SLC47A2: variants seen among roughly 807,000 people sequenced by gnomAD.
SLC47A2 encodes the protein multidrug and toxin extrusion protein 2.
A neutral mutation model predicts 67.7 loss-of-function variants in SLC47A2; 52 were observed. That is an observed-to-expected ratio of 0.77 (90% CI 0.61 to 0.97). The LOEUF (loss-of-function observed/expected upper bound fraction) is 0.97. Among genes scored for constraint, SLC47A2 ranks in the 50% least tolerant of loss-of-function variants. SLC47A2 has a pLI of 0.00. For synonymous variants in SLC47A2, 278 were observed against 292.9 expected, an observed-to-expected ratio of 0.95 and a Z score of 0.52; for missense variants, 676 against 712.3, an observed-to-expected ratio of 0.95 and a Z score of 0.58.
upstream of SLC47A2, chr17:19,718,463 G>C (rs2086307167): frequency 6.6e-6 from 1 of 152,368 alleles, no homozygotes; most frequent in South Asian, 2.1e-4. Context: ...GGTGACATCA[G>C]GCTTTATCCA....
intron 16 of SLC47A2, 54 bp downstream of exon 16, chr17:19,679,898 A>G: frequency 3.2e-6 from 5 of 1,553,066 alleles, no homozygotes; most frequent in Non-Finnish European, 3.5e-6. Context: ...CAAGAGCAAC[A>G]TGCCACTGAC....
At chr17:19,682,590 AG>A (rs959529206) in intron 13 of SLC47A2, among the ~76,000 whole-genome samples, 1 of 152,136 alleles carries the variant, frequency 6.6e-6, no homozygotes, top group African/African-American at 2.4e-5. Context: ...CCCTCTTCTA[AG>A]GACCCTTGTA....
At chr17:19,718,676 C>G (rs1220475778), upstream of SLC47A2, 1 of 152,250 alleles carries the variant, frequency 6.6e-6, no homozygotes, top group Non-Finnish European at 1.5e-5. Context: ...TCCCCAGACC[C>G]CAGTGGGTTT....
intron 5 of SLC47A2, among the ~76,000 whole-genome samples, chr17:19,711,000 G>T (rs1458633938): frequency 1.3e-5 from 2 of 150,204 alleles, no homozygotes; most frequent in Admixed American, 6.6e-5. Flanking sequence ...GTAGAGAAAG[G>T]GTTTCTCCAT....
intron 13 of SLC47A2, among the ~76,000 whole-genome samples, chr17:19,692,927 T>C (rs1290152658): frequency 6.6e-6 from 1 of 151,886 alleles, no homozygotes; most frequent in African/African-American, 2.4e-5. Context: ...GGTCAGGAGA[T>C]CAAGACCATC....
At chr17:19,706,819 C>T (rs2085952578) in intron 8 of SLC47A2, 58 bp from the exon 9 acceptor site, 4 of 1,364,298 alleles carry the variant, frequency 2.9e-6, no homozygotes, top group South Asian at 2.5e-5. Flanking sequence ...CTCATTCCTG[C>T]TCCCCACTGC....
intron 13 of SLC47A2, among the ~76,000 whole-genome samples, chr17:19,694,919 A>G (rs956783584): frequency 2.7e-4 from 41 of 151,546 alleles, no homozygotes; most frequent in African/African-American, 9.4e-4. Context: ...CCATCTCAAA[A>G]AAAAAAAAAA....
intron 11 of SLC47A2, 122 bp from the exon 12 acceptor site, chr17:19,703,289 C>T: frequency 1.2e-6 from 1 of 830,252 alleles, no homozygotes; most frequent in Non-Finnish European, 2.0e-6. Context: ...AACCAGGTGC[C>T]TTTTGTCACA....
intron 5 of SLC47A2, among the ~76,000 whole-genome samples, chr17:19,712,008 C>T (rs59104687): frequency 2.0e-5 from 3 of 152,108 alleles, no homozygotes; most frequent in Non-Finnish European, 2.9e-5. Context: ...AGGGAAAAAG[C>T]GTATTATAAC....
intron 5 of SLC47A2, among the ~76,000 whole-genome samples, chr17:19,711,544 G>A (rs1028808751): frequency 8.6e-5 from 10 of 116,742 alleles, no homozygotes; most frequent in Middle Eastern, 0.011. Context: ...AGCGGAGATC[G>A]TACCACTGCA....
At chr17:19,716,631 C>T, upstream of SLC47A2, 1 of 1,476,718 alleles carries the variant, frequency 6.8e-7, no homozygotes, top group Non-Finnish European at 9.0e-7. Context: ...CCACCCCCTG[C>T]CTGGGCAGCC....
chr17:19,716,688 T>TA, upstream of SLC47A2: 1 of 1,324,924 alleles, frequency 7.5e-7, no homozygotes, highest in Middle Eastern at 2.7e-4. Context: ...GAGGAGGGGC[T>TA]ACCATGGCAA....
At chr17:19,715,421 G>A (rs2086227789) in intron 1 of SLC47A2, among the ~76,000 whole-genome samples, 2 of 152,032 alleles carry the variant, frequency 1.3e-5, no homozygotes, top group African/African-American at 4.8e-5. Context: ...TGGCCTCCAC[G>A]TCCCTACCCA....
intron 8 of SLC47A2, 142 bp from the exon 9 acceptor site, chr17:19,706,903 A>C (rs1014905094): frequency 8.1e-6 from 5 of 614,040 alleles, no homozygotes; most frequent in Middle Eastern, 3.6e-4. Context: ...CATTTTGCAG[A>C]GGGAATGCAG....
chr17:19,716,643 G>A (rs913982502), upstream of SLC47A2: 99 of 1,462,144 alleles, frequency 6.8e-5, no homozygotes, highest in Non-Finnish European at 7.9e-5. Context: ...TGGGCAGCCC[G>A]TGTCGGTACA....
intron 13 of SLC47A2, among the ~76,000 whole-genome samples, chr17:19,701,390 A>G (rs2085783357): frequency 6.6e-6 from 1 of 152,130 alleles, no homozygotes; most frequent in South Asian, 2.1e-4. Flanking sequence ...AGCGAACTGG[A>G]TGGAGTACAC....
chr17:19,692,077 A>C (rs2085553656), intron 13 of SLC47A2, among the ~76,000 whole-genome samples: 1 of 152,132 alleles, frequency 6.6e-6, no homozygotes, highest in Non-Finnish European at 1.5e-5. Context: ...CAGATATAAA[A>C]ATTAGCCAGA....
intron 5 of SLC47A2, among the ~76,000 whole-genome samples, chr17:19,712,076 C>T (rs944358114): frequency 1.3e-5 from 2 of 152,028 alleles, no homozygotes; most frequent in Non-Finnish European, 2.9e-5. Flanking sequence ...TTTGAATACA[C>T]ACACCCGTGA....
chr17:19,700,597 C>T (rs2085759988), intron 13 of SLC47A2, among the ~76,000 whole-genome samples: 1 of 152,034 alleles, frequency 6.6e-6, no homozygotes, highest in Non-Finnish European at 1.5e-5. Flanking sequence ...TCCATCTCTA[C>T]AAAACTTTAA....
Sources: allele counts gnomAD v4.1 joint callset (sites outside exome capture counted in the v4.1 genomes callset), GRCh38; gene constraint gnomAD v4.1.1; transcripts MANE v1.5; gene names NCBI Gene and HGNC (gene_info 2026-07-23, HGNC 2026-07-21).